Variants in SERGEF observed in about 807,000 individuals in gnomAD.
The protein encoded by SERGEF is secretion-regulating guanine nucleotide exchange factor.
Under a neutral mutation model 50.0 loss-of-function variants are expected in SERGEF, and 51 were observed. The observed-to-expected ratio is 1.02, with a 90% confidence interval of 0.81 to 1.29. SERGEF has a LOEUF of 1.29. SERGEF is among the 50% of genes most tolerant of loss of function. SERGEF has a pLI of 0.00. For missense variants in SERGEF, 521 were observed against 557.0 expected, an observed-to-expected ratio of 0.94 and a Z score of 0.65; for synonymous variants, 205 against 212.4, an observed-to-expected ratio of 0.97 and a Z score of 0.30.
At chr11:18,000,930 A>G (rs1314480869) in intron 4 of SERGEF, 2 of 392,926 alleles carry the variant, frequency 5.1e-6, no homozygotes, top group Admixed American at 6.9e-5. Flanking sequence ...GCTCTAGACT[A>G]TACATAAATG....
At chr11:17,919,147 T>A (rs754825019) in intron 9 of SERGEF, among the ~76,000 whole-genome samples, 7 of 152,206 alleles carry the variant, frequency 4.6e-5, no homozygotes, top group Non-Finnish European at 1.0e-4. Context: ...GTCTGCTTCC[T>A]CCATTAGACT....
chr11:18,009,712 A>T (rs1337101957), intron 1 of SERGEF, among the ~76,000 whole-genome samples: 2 of 152,210 alleles, frequency 1.3e-5, no homozygotes, highest in Non-Finnish European at 2.9e-5. Flanking sequence ...CTTGACAGGC[A>T]ATATGTCTAT....
intron 10 of SERGEF, among the ~76,000 whole-genome samples, chr11:17,806,042 G>C (rs1446209364): frequency 5.3e-5 from 8 of 152,316 alleles, no homozygotes; most frequent in Middle Eastern, 3.4e-3. Context: ...ACCTGAATGA[G>C]CAAGTCACTT....
intron 1 of SERGEF, among the ~76,000 whole-genome samples, chr11:18,011,307 A>C (rs1168229281): frequency 1.3e-5 from 2 of 152,198 alleles, no homozygotes; most frequent in African/African-American, 4.8e-5. Context: ...TGAGGTCATA[A>C]GGGTGGGGCC....
At chr11:17,887,234 T>A (rs962595543) in intron 9 of SERGEF, among the ~76,000 whole-genome samples, 1 of 152,060 alleles carries the variant, frequency 6.6e-6, no homozygotes, top group African/African-American at 2.4e-5. Flanking sequence ...TGTTCTTTTA[T>A]AAGGCATTTG....
At chr11:17,867,635 G>T (rs1422779958) in intron 10 of SERGEF, among the ~76,000 whole-genome samples, 5 of 152,212 alleles carry the variant, frequency 3.3e-5, no homozygotes, top group African/African-American at 1.2e-4. Flanking sequence ...GGGAGTCTGT[G>T]TCGGGGCTCT....
At chr11:17,891,177 G>A (rs148350992) in intron 9 of SERGEF, among the ~76,000 whole-genome samples, 7 of 152,272 alleles carry the variant, frequency 4.6e-5, no homozygotes, top group South Asian at 2.1e-4. Context: ...TGGACTCAAC[G>A]AGATGAACAA....
In SERGEF at chr11:17,811,799, A is replaced by C. The variant is rs77626383; in HGVS notation, c.1049-23386T>G. 5.3e-3 allele frequency among the ~76,000 whole-genome samples: 803 copies of C among 152,370 alleles called. 6 individuals carry two copies. Among genetic ancestry groups the C allele is most frequent in the Non-Finnish European group, 7.6e-3 (518 of 68,040 alleles). ...AAATTCAGTCCTTCAAATTCTGAAA[A>C]GAATGAGGTTGAGGAACAGTAACAG... On this transcript the variant is annotated intron_variant, in intron 10 of 10. Transcript: ENST00000265965.
At chr11:17,872,059 G>A (rs1851149094) in intron 10 of SERGEF, among the ~76,000 whole-genome samples, 1 of 152,172 alleles carries the variant, frequency 6.6e-6, no homozygotes, top group Non-Finnish European at 1.5e-5. Flanking sequence ...TTATACAGTA[G>A]AATATTACCA....
chr11:17,843,372 T>A (rs960753754), intron 10 of SERGEF, among the ~76,000 whole-genome samples: 4 of 152,220 alleles, frequency 2.6e-5, no homozygotes, highest in Non-Finnish European at 5.9e-5. Context: ...TGTCAAGCAC[T>A]CTGCATCCAT....
At chr11:17,834,549 A>G (rs1850368493) in intron 10 of SERGEF, among the ~76,000 whole-genome samples, 1 of 152,202 alleles carries the variant, frequency 6.6e-6, no homozygotes, top group South Asian at 2.1e-4. Flanking sequence ...TGCCCATAGA[A>G]TTAAATATAT....
At chr11:17,963,701 T>C (rs982689826) in intron 8 of SERGEF, among the ~76,000 whole-genome samples, 3 of 152,198 alleles carry the variant, frequency 2.0e-5, no homozygotes, top group Non-Finnish European at 4.4e-5. Context: ...TAGTAAAATA[T>C]TTTTTAACAC....
Position 17,898,194 on chromosome 11 carries a change from G to T in SERGEF, c.1012-19950C>A, listed in dbSNP as rs75708759. ...TGTCTTGCCTTCAAGCAATATACAG[G>T]TCAAATATTTTTGAATGAATTCCTG... On this transcript the variant is annotated intron_variant, in intron 9 of 10. Transcript: ENST00000265965. Among the ~76,000 whole-genome samples, 604 of 152,310 alleles carry T rather than the reference G, an allele frequency of 4.0e-3. 4 individuals are homozygous for T. The highest frequency in any genetic ancestry group is 0.014 in the African/African-American group (573 of 41,566).
intron 9 of SERGEF, chr11:17,926,826 T>G (rs1188714078): frequency 4.4e-6 from 2 of 456,186 alleles, no homozygotes; most frequent in Non-Finnish European, 8.8e-6. Context: ...TCTCCACATC[T>G]CCCACTGTGC....
intron 9 of SERGEF, among the ~76,000 whole-genome samples, chr11:17,883,069 G>C (rs1199270973): frequency 6.6e-6 from 1 of 152,174 alleles, no homozygotes; most frequent in Non-Finnish European, 1.5e-5. Flanking sequence ...AGAGAGGTCT[G>C]CTCTGTTCAG....
At chr11:17,996,003 T>C in intron 5 of SERGEF, 94 bp from the exon 6 acceptor site, 1 of 859,266 alleles carries the variant, frequency 1.2e-6, no homozygotes, top group Non-Finnish European at 1.9e-6. Context: ...AAATTCCCAA[T>C]TCTTTCTCAG....
chr11:17,911,338 T>TTA (rs201153317), intron 9 of SERGEF, among the ~76,000 whole-genome samples: 15 of 146,544 alleles, frequency 1.0e-4, no homozygotes, highest in African/African-American at 3.2e-4. Flanking sequence ...TATATATATA[T>TTA]TATATATAAT....
At chr11:17,886,466 G>T (rs1272119449) in intron 9 of SERGEF, among the ~76,000 whole-genome samples, 1 of 151,948 alleles carries the variant, frequency 6.6e-6, no homozygotes, top group Non-Finnish European at 1.5e-5. Context: ...AACAAAATTA[G>T]CCCGGCGTGG....
chr11:17,815,811 A>G (rs1011389113), intron 10 of SERGEF, among the ~76,000 whole-genome samples: 1 of 151,570 alleles, frequency 6.6e-6, no homozygotes, highest in Non-Finnish European at 1.5e-5. Context: ...AGTCTCAGCT[A>G]CTCGGGAGGC....
Sources: gnomAD v4.1 joint callset for allele counts (sites outside exome capture counted in the v4.1 genomes callset) on GRCh38, gnomAD v4.1.1 for gene constraint, MANE v1.5 for transcripts, NCBI Gene and HGNC (gene_info 2026-07-23, HGNC 2026-07-21) for gene names.